PM20D2: variants seen among roughly 807,000 people sequenced by gnomAD.
PM20D2 encodes peptidase M20 domain containing 2.
PM20D2 carries 33 observed loss-of-function variants against 42.9 expected under a neutral mutation model. The observed-to-expected ratio is 0.77, with a 90% CI of 0.58 to 1.03. The LOEUF is 1.03. Among genes scored for constraint, PM20D2 ranks in the 50% least tolerant of loss-of-function variants. PM20D2 has a pLI of 0.00. For missense variants in PM20D2, 548 were observed against 557.0 expected, an observed-to-expected ratio of 0.98 and a Z score of 0.16; for synonymous variants, 250 against 228.2, an observed-to-expected ratio of 1.10 and a Z score of -0.86.
At chr6:89,126,556 C>T in the PM20D2 span, among the ~76,000 whole-genome samples, 16 of 151,448 alleles carry the variant, frequency 1.1e-4, no homozygotes, top group Non-Finnish European at 1.6e-4. Flanking sequence ...TGGTGGCAGG[C>T]GCCTATAATC....
chr6:89,148,490 T>C, intron 1 of PM20D2: 1 of 938,050 alleles, frequency 1.1e-6, no homozygotes. Flanking sequence ...CAAAGTAAAA[T>C]GTTTATTCTG....
At chr6:89,106,929 C>G in the PM20D2 span, 1 of 566,350 alleles carries the variant, frequency 1.8e-6, no homozygotes, top group Non-Finnish European at 3.3e-6. Context: ...ACTTTAGGTG[C>G]CTTTTGTCTC....
At chr6:89,130,835 T>G in the PM20D2 span, among the ~76,000 whole-genome samples, 188 of 136,480 alleles carry the variant, frequency 1.4e-3, no homozygotes, top group African/African-American at 5.1e-3. Context: ...TTTTTTTTTT[T>G]TTTTTTTTTT....
chr6:89,132,637 G>C, the PM20D2 span, among the ~76,000 whole-genome samples: 1 of 151,056 alleles, frequency 6.6e-6, no homozygotes, highest in African/African-American at 2.5e-5. Flanking sequence ...CTTGAGGTCA[G>C]GAGTTCGAGA....
the PM20D2 span, among the ~76,000 whole-genome samples, chr6:89,136,856 A>G: frequency 2.6e-5 from 4 of 151,174 alleles, no homozygotes; most frequent in East Asian, 7.7e-4. Context: ...GATGTCAGAC[A>G]ATTTCTCTGG....
chr6:89,117,007 G>A, the PM20D2 span, among the ~76,000 whole-genome samples: 4 of 152,002 alleles, frequency 2.6e-5, no homozygotes, highest in Non-Finnish European at 5.9e-5. Context: ...CCAGTGAAAT[G>A]AGAATGTCTA....
chr6:89,116,537 G>C, the PM20D2 span, among the ~76,000 whole-genome samples: 5 of 152,136 alleles, frequency 3.3e-5, no homozygotes, highest in African/African-American at 4.8e-5. Flanking sequence ...CGCTTTGGGA[G>C]GCCGAGCTGG....
At position 89,146,163 on chromosome 6, in the gene PM20D2, C is replaced by A; in HGVS notation, c.19C>A (p.Arg7=). 6.6e-7 allele frequency: 1 copy of A among 1,512,012 alleles called. No homozygotes were observed. Among genetic ancestry groups the A allele is most frequent in the Non-Finnish European group, 8.8e-7 (1 of 1,137,216 alleles). The allele number at this position is 1,512,012 out of a possible 1,614,324, so 93.7% of individuals were successfully genotyped here. A position where few individuals can be genotyped will look rare whatever the true frequency, so the allele number is the denominator to read the frequency against. ...GGGCAGCATGAGGCCCGGAGGGGAG[C>A]GGCCCGTGGAAGGGGGCGCGTGCAA... is the stretch of plus-strand genomic sequence containing the variant. The part of the protein sequence containing the change: MRPGGE[R]PVEGGACNGR... The change falls in exon 1 of 7, where the codon CGG becomes AGG. Residue 7 remains arginine (R), a synonymous_variant. Transcript: ENST00000275072.
intron 2 of PM20D2, among the ~76,000 whole-genome samples, chr6:89,150,852 C>CAA (rs1770809964): frequency 6.7e-6 from 1 of 149,594 alleles, no homozygotes; most frequent in Non-Finnish European, 1.5e-5. Context: ...CATTGGTCAT[C>CAA]TTTTAAGATA....
chr6:89,132,075 C>T, the PM20D2 span, among the ~76,000 whole-genome samples: 1 of 152,078 alleles, frequency 6.6e-6, no homozygotes, highest in Non-Finnish European at 1.5e-5. Context: ...CTATTGGACA[C>T]CTATGGAAAG....
chr6:89,122,209 T>C, the PM20D2 span, among the ~76,000 whole-genome samples: 9 of 152,220 alleles, frequency 5.9e-5, no homozygotes, highest in South Asian at 2.1e-4. Context: ...CTGCACATAG[T>C]CTGAGCTGAC....
chr6:89,095,657 A>G, the PM20D2 span, among the ~76,000 whole-genome samples: 7 of 152,400 alleles, frequency 4.6e-5, no homozygotes, highest in East Asian at 1.3e-3. Flanking sequence ...AAAGTACTGG[A>G]ATTAATTTAC....
chr6:89,099,460 A>G, the PM20D2 span, among the ~76,000 whole-genome samples: 1 of 145,836 alleles, frequency 6.9e-6, no homozygotes, highest in East Asian at 2.2e-4. Flanking sequence ...ATGTGTGTAT[A>G]TATGTGTGTG....
chr6:89,117,919 C>A, the PM20D2 span: 2 of 1,548,726 alleles, frequency 1.3e-6, no homozygotes, highest in Non-Finnish European at 8.7e-7. Context: ...CGGGTCTGCC[C>A]GCGGCCGCTG....
the PM20D2 span, among the ~76,000 whole-genome samples, chr6:89,133,669 T>C: frequency 1.3e-5 from 2 of 151,128 alleles, no homozygotes; most frequent in Admixed American, 6.5e-5. Flanking sequence ...TAAGGGACTT[T>C]TTTTCAGCTG....
At chr6:89,107,073 A>G in the PM20D2 span, 1 of 1,264,534 alleles carries the variant, frequency 7.9e-7, no homozygotes, top group East Asian at 2.3e-5. Flanking sequence ...TATTAATCTC[A>G]TAACATATGC....
chr6:89,128,814 G>C, the PM20D2 span, among the ~76,000 whole-genome samples: 2 of 152,146 alleles, frequency 1.3e-5, no homozygotes, highest in Admixed American at 1.3e-4. Flanking sequence ...AAAATAGAAA[G>C]AACCTATGTT....
the PM20D2 span, chr6:89,096,652 A>T: frequency 6.6e-5 from 10 of 150,910 alleles, no homozygotes; most frequent in African/African-American, 2.5e-4. Context: ...TATTTTTCAC[A>T]ATGGTACCTA....
intron 3 of PM20D2, 86 bp from the exon 4 acceptor site, chr6:89,154,662 A>G (rs1462362695): frequency 5.3e-6 from 5 of 950,136 alleles, no homozygotes; most frequent in Non-Finnish European, 7.5e-6. Flanking sequence ...CTTTATGAAC[A>G]TATTGGCTGA....
Sources: gnomAD v4.1 joint callset for allele counts (sites outside exome capture counted in the v4.1 genomes callset) on GRCh38, gnomAD v4.1.1 for gene constraint, MANE v1.5 for transcripts, NCBI Gene and HGNC (gene_info 2026-07-23, HGNC 2026-07-21) for gene names.